SREBF1: variants seen among roughly 807,000 people sequenced by gnomAD.
SREBF1 encodes the protein sterol regulatory element-binding protein 1.
SREBF1 carries 45 observed loss-of-function variants against 100.1 expected under a neutral mutation model. The ratio of observed to expected loss-of-function variants is 0.45; its 90% CI spans 0.35 to 0.58. SREBF1 has a LOEUF of 0.58. Ranked by LOEUF, SREBF1 falls within the 20% of genes least tolerant of loss-of-function variation. The probability of loss-of-function intolerance (pLI) is 0.00; values close to 1 mark genes in which losing one functional copy is unlikely to be tolerated. For synonymous variants in SREBF1, 657 were observed against 681.8 expected (o/e 0.96, Z 0.57); for missense variants, 1,324 against 1,539.4 (o/e 0.86, Z 2.34).
At chr17:17,822,353 T>A (rs1417997765) in intron 1 of SREBF1, among the ~76,000 whole-genome samples, 3 of 152,102 alleles carry the variant, frequency 2.0e-5, no homozygotes, top group Non-Finnish European at 4.4e-5. Flanking sequence ...CTGTGTAGAG[T>A]TCTGGGCTCA....
Position 17,817,889 on chromosome 17 carries a change from C to A in SREBF1, c.1211G>T (p.Cys404Phe). The A allele has an allele frequency of 6.2e-7, 1 of 1,602,190 alleles. No homozygotes were observed. The change falls in exon 7 of 19, where the codon TGT (cysteine) becomes TTT (phenylalanine). Residue 404 changes from cysteine to phenylalanine, a missense_variant. Cys to Phe is a radical substitution (Grantham distance 205, BLOSUM62 -2). Transcript: ENST00000261646. This position sits in a 1 kb window ranked among gnomAD's most constrained non-coding sequence, Gnocchi z 6.6. ...SKSLKDLVSA[C>F]GSGGNTDVLM... Reference sequence around the variant, plus strand: ...CACGTCTGTGTTCCCTCCACTGCCACAGGCCGACACCAGATCCTTCAGAGA... The same window carrying A: ...CACGTCTGTGTTCCCTCCACTGCCAAAGGCCGACACCAGATCCTTCAGAGA...
chr17:17,821,621 G>A (rs938023186), intron 1 of SREBF1, among the ~76,000 whole-genome samples: 2 of 152,210 alleles, frequency 1.3e-5, no homozygotes, highest in Non-Finnish European at 2.9e-5. Flanking sequence ...ACAGGGGGAA[G>A]AGGGGTGCAG....
intron 1 of SREBF1, among the ~76,000 whole-genome samples, chr17:17,832,000 C>T (rs1567993471): frequency 1.3e-5 from 2 of 152,204 alleles, no homozygotes; most frequent in African/African-American, 2.4e-5. Context: ...GAGGTAGCCA[C>T]ATAGCCTCTG....
At position 17,816,609 on chromosome 17, in the gene SREBF1, A is replaced by G. The variant is rs1366745298; in HGVS notation, c.1895T>C (p.Ile632Thr). 1.9e-6 allele frequency: 3 copies of G among 1,605,840 alleles called. No homozygotes were observed. In the East Asian group the frequency reaches 6.7e-5, roughly 36 times the overall value. The change falls in exon 10 of 19, where the codon ATC (isoleucine) becomes ACC (threonine). Residue 632 changes from isoleucine (I) to threonine (T), a missense_variant. Coordinates refer to ENST00000261646, the MANE Select transcript of SREBF1 (RefSeq NM_004176.5). ...DLACSLLWNL[I>T]RHLLQRLWVG... ...CCAGAGACGCTGCAGCAGGTGACGGATGAGGTTCCAGAGGAGGCTACAAGC... is the reference window on the plus strand; with the variant it reads ...CCAGAGACGCTGCAGCAGGTGACGGGTGAGGTTCCAGAGGAGGCTACAAGC...
intron 1 of SREBF1, 127 bp downstream of exon 1, chr17:17,836,600 C>A: frequency 2.1e-6 from 2 of 944,106 alleles, no homozygotes; most frequent in Non-Finnish European, 3.2e-6. Flanking sequence ...TCAGAGACAC[C>A]GGGAAGTCCC....
At chr17:17,823,473 C>G (rs745773928) in intron 1 of SREBF1, 23 of 1,407,170 alleles carry the variant, frequency 1.6e-5, no homozygotes, top group African/African-American at 8.5e-5. Context: ...CTGCAGGAGA[C>G]GGAGGCATTG....
chr17:17,817,191 G>C lies in SREBF1; in HGVS notation c.1607-55C>G. 9 of 1,612,018 alleles carry C rather than the reference G, an allele frequency of 5.6e-6. No homozygotes were observed. The highest frequency in any genetic ancestry group is 1.7e-5 in the Admixed American group (1 of 59,784). On this transcript the variant is annotated intron_variant, in intron 8 of 18. Coordinates refer to ENST00000261646, the MANE Select transcript of SREBF1 (RefSeq NM_004176.5). This position sits in a 1 kb window ranked among gnomAD's most constrained non-coding sequence, Gnocchi z 6.6. ...GCTCCCAGGAAATCCAGAGCCCCAA[G>C]TTCACAAGCCTGGGGGCTCACCCCG...
intron 1 of SREBF1, among the ~76,000 whole-genome samples, chr17:17,830,040 C>G (rs1449042451): frequency 2.6e-5 from 4 of 152,258 alleles, no homozygotes; most frequent in African/African-American, 9.6e-5. Flanking sequence ...CTCACCAACT[C>G]CAGACCACCA....
chr17:17,826,122 T>A (rs2034477704), intron 1 of SREBF1, among the ~76,000 whole-genome samples: 1 of 152,166 alleles, frequency 6.6e-6, no homozygotes, highest in East Asian at 1.9e-4. Context: ...AGGTGGGAAT[T>A]CTGGGAAAGC....
intron 1 of SREBF1, among the ~76,000 whole-genome samples, chr17:17,836,320 T>A (rs531827631): frequency 6.6e-6 from 1 of 152,382 alleles, no homozygotes; most frequent in Admixed American, 6.5e-5. Flanking sequence ...CCGGAGGGAA[T>A]GACCGTGAGT....
rs2035265594 is a variant in SREBF1, at chr17:17,836,739, T to G, written c.79A>C (p.Thr27Pro). Residue 27 changes from threonine to proline, a missense_variant, in exon 1 of 19, where the codon ACC becomes CCC. Transcript: ENST00000261646. ...CGCCCTGACGCACCTTCGATGTCGG[T>G]CAGCAGCGCCGCGTCCAGATCGCAC... ...EPCDLDAALL[T>P]DIEDMLQLIN... 1 of 1,571,592 alleles carries G rather than the reference T, an allele frequency of 6.4e-7. No homozygotes were observed. Among genetic ancestry groups the G allele is most frequent in the African/African-American group, 1.3e-5 (1 of 74,368 alleles).
chr17:17,823,187 C>A (rs2034220142), intron 1 of SREBF1, among the ~76,000 whole-genome samples: 1 of 152,234 alleles, frequency 6.6e-6, no homozygotes, highest in South Asian at 2.1e-4. Context: ...AGAGGGACAA[C>A]GGGCCCTCCT....
In SREBF1 at chr17:17,820,126, A is replaced by G. The variant is rs2033982158; in HGVS notation, c.487T>C (p.Leu163=). 2.5e-6 allele frequency: 4 copies of G among 1,612,758 alleles called. No individual in the cohort carries two copies. The highest frequency in any genetic ancestry group is 1.3e-5 in the African/African-American group (1 of 74,878). Residue 163 remains leucine, a synonymous_variant, in exon 2 of 19, where the codon TTA becomes CTA. Coordinates refer to ENST00000261646, the MANE Select transcript of SREBF1 (RefSeq NM_004176.5). The part of the protein sequence containing the change: ...APPQFSSTPV[L]GYPSPPGGFS... ...CCTCCCGGAGGGCTGGGGTAGCCTA[A>G]CACAGGGGTGGAGCTGAACTGCGGT... is the stretch of plus-strand genomic sequence containing the variant.
intron 1 of SREBF1, among the ~76,000 whole-genome samples, chr17:17,830,398 C>T (rs1471818115): frequency 6.6e-6 from 1 of 152,244 alleles, no homozygotes; most frequent in African/African-American, 2.4e-5. Context: ...CTGCTTAAGC[C>T]TTCACTCATC....
intron 1 of SREBF1, among the ~76,000 whole-genome samples, chr17:17,822,461 G>A (rs1384542634): frequency 2.0e-5 from 3 of 152,226 alleles, no homozygotes; most frequent in African/African-American, 7.2e-5. Context: ...TGTCTGTCCT[G>A]ACTCCTTCCT....
intron 18 of SREBF1, 155 bp downstream of exon 18, chr17:17,813,212 TC>T: frequency 1.3e-6 from 1 of 780,902 alleles, no homozygotes. Context: ...CAAGCTGTCC[TC>T]CCAACTGAGC....
intron 1 of SREBF1, chr17:17,823,576 G>A (rs757419059): frequency 1.2e-6 from 2 of 1,613,278 alleles, no homozygotes; most frequent in Admixed American, 1.7e-5. Flanking sequence ...CGTCCAGGCC[G>A]TTGGCCCTAC....
chr17:17,818,392 G>T lies in SREBF1; in HGVS notation c.1069-18C>A. On this transcript the variant is annotated intron_variant, in intron 5 of 18. Transcript: ENST00000261646. The stretch of plus-strand genomic sequence containing the variant: ...TTATTCAGCTGCACGGTGTGGGAGG[G>T]AGGGGGAGCGCACAGGTGGCCTGTC... The T allele has an allele frequency of 6.2e-7, 1 of 1,600,954 alleles. No homozygotes were observed. The highest frequency in any genetic ancestry group is 8.6e-7 in the Non-Finnish European group (1 of 1,169,398).
Position 17,816,308 on chromosome 17 carries a change from A to C in SREBF1, c.2113T>G (p.Cys705Gly). Residue 705 changes from cysteine to glycine, a missense_variant, in exon 11 of 19, where the codon TGT becomes GGT. By Grantham distance (159) the Cys-to-Gly change is radical. Transcript: ENST00000261646. ...LALSALNLAE[C>G]AGDAVSVATL... ...GCCACAGACACGGCATCCCCTGCAC[A>C]CTCTGCCAGGTTCAGGGCACTCAGC... The C allele has an allele frequency of 1.3e-6, 2 of 1,572,626 alleles. No homozygotes were observed. The highest frequency in any genetic ancestry group is 4.6e-5 in the East Asian group (2 of 43,066).
Sources: allele counts gnomAD v4.1 joint callset (sites outside exome capture counted in the v4.1 genomes callset), GRCh38; gene constraint gnomAD v4.1.1; non-coding constraint Gnocchi (gnomAD v3.1); transcripts MANE v1.5; gene names NCBI Gene and HGNC (gene_info 2026-07-23, HGNC 2026-07-21).